The following TRPM3 variants were observed in gnomAD, a reference collection of about 807,000 sequenced individuals.
TRPM3 encodes the protein transient receptor potential cation channel subfamily M member 3, also known as long transient receptor potential channel 3.
TRPM3 carries 77 observed loss-of-function variants against 181.2 expected under a neutral mutation model. The observed-to-expected ratio is 0.42, with a 90% confidence interval of 0.35 to 0.51. The LOEUF (loss-of-function observed/expected upper bound fraction) is 0.51. Among genes scored for constraint, TRPM3 ranks in the 20% least tolerant of loss-of-function variants. The pLI, the probability that TRPM3 is intolerant of heterozygous loss-of-function variation, is 0.01. For synonymous variants in TRPM3, 745 were observed against 796.4 expected (o/e 0.94, Z 1.09); for missense variants, 1,759 against 2,196.7 (o/e 0.80, Z 3.98).
chr9:70,815,685 T>G (rs2092629789), intron 6 of TRPM3, among the ~76,000 whole-genome samples: 1 of 152,240 alleles, frequency 6.6e-6, no homozygotes, highest in Non-Finnish European at 1.5e-5. Context: ...TCTTTTTGAT[T>G]TGTAGATACT....
intron 1 of TRPM3, among the ~76,000 whole-genome samples, chr9:71,199,937 C>T (rs1013768770): frequency 7.9e-5 from 12 of 152,084 alleles, no homozygotes; most frequent in African/African-American, 9.7e-5. Flanking sequence ...CTTGCTCTTG[C>T]TTTTCTAGTT....
At chr9:71,079,360 G>A (rs1243930790) in intron 1 of TRPM3, among the ~76,000 whole-genome samples, 3 of 152,156 alleles carry the variant, frequency 2.0e-5, no homozygotes, top group Non-Finnish European at 2.9e-5. Context: ...GTTCCCTCAG[G>A]ATGGCTTCTG....
At chr9:70,590,855 T>G (rs1380095525) in intron 22 of TRPM3, 176 bp downstream of exon 22, 27 of 726,404 alleles carry the variant, frequency 3.7e-5, no homozygotes, top group Non-Finnish European at 5.9e-5. Flanking sequence ...AGAACTACTT[T>G]GCTAAAATTG....
intron 7 of TRPM3, among the ~76,000 whole-genome samples, chr9:70,770,527 T>C (rs1435339237): frequency 6.6e-6 from 1 of 152,186 alleles, no homozygotes; most frequent in Non-Finnish European, 1.5e-5. Context: ...AAGTCATACA[T>C]TGAAGTGGTG....
chr9:70,655,931 T>C (rs2060277228), intron 9 of TRPM3, among the ~76,000 whole-genome samples: 1 of 152,222 alleles, frequency 6.6e-6, no homozygotes, highest in African/African-American at 2.4e-5. Flanking sequence ...TATGTATTTA[T>C]ATGTTGCGTA....
chr9:71,234,946 C>T (rs1364902926), intron 1 of TRPM3, among the ~76,000 whole-genome samples: 1 of 152,176 alleles, frequency 6.6e-6, no homozygotes, highest in East Asian at 1.9e-4. Context: ...TCTTATCTAT[C>T]CTACATAGGC....
In TRPM3 at chr9:71,168,863, G is replaced by A. The variant is rs1167065299; in HGVS notation, c.183+277790C>T. Among the ~76,000 whole-genome samples the A allele has an allele frequency of 2.6e-5, 4 of 152,016 alleles. No individual in the cohort carries two copies. In the South Asian group the frequency reaches 6.2e-4, roughly 24 times the overall value. ...TACTTTTAAAAATTGCATTTGATAT[G>A]TAAGAATATAGTTCACTGATACAAA... On this transcript the variant is annotated intron_variant, in intron 1 of 24. Coordinates refer to the TRPM3 transcript ENST00000357533.
chr9:70,994,369 T>C (rs1354238672), intron 1 of TRPM3, among the ~76,000 whole-genome samples: 2 of 152,192 alleles, frequency 1.3e-5, no homozygotes. Flanking sequence ...CCCAGGTGTA[T>C]GTAACTCCAA....
intron 1 of TRPM3, among the ~76,000 whole-genome samples, chr9:71,086,631 G>C (rs1267013697): frequency 6.6e-6 from 1 of 151,936 alleles, no homozygotes; most frequent in Non-Finnish European, 1.5e-5. Flanking sequence ...AATTGGCCTG[G>C]TTCTCTGTTG....
At chr9:71,288,843 A>C (rs1017847872) in intron 1 of TRPM3, among the ~76,000 whole-genome samples, 1 of 152,146 alleles carries the variant, frequency 6.6e-6, no homozygotes, top group African/African-American at 2.4e-5. Flanking sequence ...GAAGCTCCCA[A>C]TGGTTGAGCT....
chr9:71,400,379 T>C (rs1588858044), intron 1 of TRPM3, among the ~76,000 whole-genome samples: 1 of 152,206 alleles, frequency 6.6e-6, no homozygotes, highest in East Asian at 1.9e-4. Context: ...TTTGGTATTA[T>C]ACTCAAAGTT....
chr9:70,604,502 G>A (rs1416561252), intron 19 of TRPM3, among the ~76,000 whole-genome samples: 2 of 152,202 alleles, frequency 1.3e-5, no homozygotes, highest in Non-Finnish European at 2.9e-5. Context: ...TCAGAGTGGT[G>A]TAGCAAAGAA....
chr9:70,784,081 C>T (rs2083061030), intron 7 of TRPM3, 24 bp downstream of exon 7: 2 of 1,607,106 alleles, frequency 1.2e-6, no homozygotes, highest in Admixed American at 1.7e-5. Flanking sequence ...AGGGTTCTTC[C>T]ATGGGGCCTG....
intron 8 of TRPM3, among the ~76,000 whole-genome samples, chr9:70,685,980 A>G (rs2066646760): frequency 6.6e-6 from 1 of 151,404 alleles, no homozygotes; most frequent in African/African-American, 2.4e-5. Flanking sequence ...TATATATCCT[A>G]TAAATTACCT....
At chr9:71,339,034 C>T (rs934323446) in intron 1 of TRPM3, among the ~76,000 whole-genome samples, 3 of 151,990 alleles carry the variant, frequency 2.0e-5, no homozygotes, top group African/African-American at 7.2e-5. Flanking sequence ...CAGATATAAA[C>T]TTAGGATGCT....
chr9:70,793,520 AAC>A, intron 6 of TRPM3: 1 of 370,434 alleles, frequency 2.7e-6, no homozygotes. Flanking sequence ...TATGCATATA[AAC>A]ACATATAAAC....
intron 1 of TRPM3, among the ~76,000 whole-genome samples, chr9:71,062,095 C>T (rs966089378): frequency 2.0e-5 from 3 of 152,016 alleles, no homozygotes; most frequent in African/African-American, 7.2e-5. Flanking sequence ...AAATATCTTC[C>T]GTGGTCCACA....
At chr9:71,076,134 T>C (rs1195622612) in intron 1 of TRPM3, among the ~76,000 whole-genome samples, 3 of 152,196 alleles carry the variant, frequency 2.0e-5, no homozygotes, top group East Asian at 1.9e-4. Context: ...AGTGGTGGGC[T>C]GGAGTCTGCT....
chr9:71,252,940 G>A (rs1311780718), intron 1 of TRPM3, among the ~76,000 whole-genome samples: 2 of 147,406 alleles, frequency 1.4e-5, no homozygotes, highest in African/African-American at 2.5e-5. Flanking sequence ...GCCTGCTTTG[G>A]CCTCCTGAAG....
Sources: gnomAD v4.1 joint callset for allele counts (sites outside exome capture counted in the v4.1 genomes callset) on GRCh38, gnomAD v4.1.1 for gene constraint, MANE v1.5 for transcripts, NCBI Gene and HGNC (gene_info 2026-07-23, HGNC 2026-07-21) for gene names.